RXFP1: variants seen among roughly 807,000 people sequenced by gnomAD.
The protein encoded by RXFP1 is relaxin receptor 1.
A neutral mutation model predicts 89.8 loss-of-function variants in RXFP1; 73 were observed. The observed-to-expected ratio is 0.81, with a 90% CI of 0.67 to 0.99. The LOEUF (loss-of-function observed/expected upper bound fraction) is 0.99, where lower values mean the gene tolerates loss of function less well. Among genes scored for constraint, RXFP1 ranks in the 50% least tolerant of loss-of-function variants. The pLI, the probability that RXFP1 is intolerant of heterozygous loss-of-function variation, is 0.00. For synonymous variants in RXFP1, 277 were observed against 305.5 expected, an observed-to-expected ratio of 0.91 and a Z score of 0.97; for missense variants, 793 against 895.5, an observed-to-expected ratio of 0.89 and a Z score of 1.46.
At chr4:158,625,056 A>G (rs1307535193) in intron 9 of RXFP1, among the ~76,000 whole-genome samples, 1 of 142,268 alleles carries the variant, frequency 7.0e-6, no homozygotes, top group Non-Finnish European at 1.5e-5. Flanking sequence ...CACCTCATTA[A>G]GCGCATTTTG....
chr4:158,598,574 T>A (rs1266103656), intron 3 of RXFP1, among the ~76,000 whole-genome samples: 58 of 152,200 alleles, frequency 3.8e-4, no homozygotes. Flanking sequence ...TTTAGCTATA[T>A]GAATACATCA....
At position 158,620,268 on chromosome 4, in the gene RXFP1, C is replaced by T. The variant is rs141648089; in HGVS notation, c.755+3063C>T. ...GTCATAGAAAGCTTTCAAATTGAAA[C>T]GAAAGAAAAAGAGACAAAAATAAAG... On this transcript the variant is annotated intron_variant, in intron 9 of 17. Coordinates refer to ENST00000307765, the MANE Select transcript of RXFP1 (RefSeq NM_021634.4). Among the ~76,000 whole-genome samples, 10 of 151,690 alleles carry T rather than the reference C, an allele frequency of 6.6e-5. No individual in the cohort carries two copies. In the East Asian group the frequency reaches 1.5e-3, roughly 23 times the overall value.
chr4:158,549,093 A>C (rs1279391217), intron 1 of RXFP1, among the ~76,000 whole-genome samples: 1 of 151,746 alleles, frequency 6.6e-6, no homozygotes, highest in Non-Finnish European at 1.5e-5. Flanking sequence ...TACACCAATC[A>C]GACGTAGATT....
At chr4:158,547,685 T>A (rs558088023) in intron 1 of RXFP1, among the ~76,000 whole-genome samples, 1 of 152,314 alleles carries the variant, frequency 6.6e-6, no homozygotes, top group Admixed American at 6.5e-5. Flanking sequence ...ACATCTTTAT[T>A]TCTGCCTTCA....
At chr4:158,651,519 C>T (rs1772726498) in intron 17 of RXFP1, among the ~76,000 whole-genome samples, 1 of 152,046 alleles carries the variant, frequency 6.6e-6, no homozygotes, top group Non-Finnish European at 1.5e-5. Context: ...TTAGTGTATT[C>T]AAGAAGAGCT....
At chr4:158,525,039 G>T (rs1206091177) in intron 1 of RXFP1, among the ~76,000 whole-genome samples, 4 of 152,114 alleles carry the variant, frequency 2.6e-5, no homozygotes, top group Non-Finnish European at 2.9e-5. Flanking sequence ...ACTTGTAACA[G>T]ATTTTTTCTG....
intron 1 of RXFP1, among the ~76,000 whole-genome samples, chr4:158,530,803 T>C (rs1292459602): frequency 2.0e-5 from 3 of 152,198 alleles, no homozygotes; most frequent in Admixed American, 6.5e-5. Context: ...AAAGAGGGAT[T>C]GTTTTTCTTT....
At chr4:158,600,116 G>A (rs1761402673) in intron 4 of RXFP1, among the ~76,000 whole-genome samples, 1 of 152,178 alleles carries the variant, frequency 6.6e-6, no homozygotes, top group African/African-American at 2.4e-5. Context: ...AATTAGTGGA[G>A]GACAGCTATT....
At chr4:158,526,517 G>A (rs1742537102) in intron 1 of RXFP1, among the ~76,000 whole-genome samples, 2 of 152,122 alleles carry the variant, frequency 1.3e-5, no homozygotes, top group South Asian at 4.1e-4. Context: ...GGCAAGTTGT[G>A]AATATTTCAA....
chr4:158,652,128 G>C lies in RXFP1; in HGVS notation c.*73G>C. On this transcript the variant is annotated 3_prime_UTR_variant, in exon 18 of 18. Coordinates refer to ENST00000307765, the MANE Select transcript of RXFP1 (RefSeq NM_021634.4). ...CATGAGGGATTTACTGGTATGAAAT[G>C]AATACCACAAAATTAATTTATAATA... The C allele has an allele frequency of 8.3e-7, 1 of 1,209,404 alleles. No individual in the cohort carries two copies. The highest frequency in any genetic ancestry group is 1.1e-6 in the Non-Finnish European group (1 of 873,776). 74.9% of individuals were successfully genotyped at this position (1,209,404 alleles called of 1,614,324 possible). A position where few individuals can be genotyped will look rare whatever the true frequency, so the allele number is the denominator to read the frequency against.
intron 3 of RXFP1, among the ~76,000 whole-genome samples, chr4:158,595,325 T>A (rs1204816388): frequency 6.6e-6 from 1 of 152,142 alleles, no homozygotes; most frequent in Non-Finnish European, 1.5e-5. Context: ...GGTGGAGAGG[T>A]GACTAAGAGT....
chr4:158,633,477 G>A lies in RXFP1; in HGVS notation c.971+1G>A, dbSNP rs1176375907. 1.3e-6 allele frequency: 2 copies of A among 1,570,816 alleles called. No individual in the cohort carries two copies. The highest frequency in any genetic ancestry group is 1.7e-6 in the Non-Finnish European group (2 of 1,153,276). The stretch of plus-strand genomic sequence containing the variant: ...AGGACCTGAAGGAGCTGTCACAATT[G>A]TAAGACTGATGTTAATTTTGCCACC... On this transcript the variant is annotated splice_donor_variant, in intron 12 of 17. Coordinates refer to ENST00000307765, the MANE Select transcript of RXFP1 (RefSeq NM_021634.4). LOFTEE classifies it high-confidence loss of function.
At chr4:158,617,461 G>T (rs1764824210) in intron 9 of RXFP1, among the ~76,000 whole-genome samples, 1 of 149,698 alleles carries the variant, frequency 6.7e-6, no homozygotes, top group Non-Finnish European at 1.5e-5. Context: ...GAGCCAGGAA[G>T]AAGAAACACA....
Position 158,637,988 on chromosome 4 carries a change from C to T in RXFP1, c.972-20C>T. On this transcript the variant is annotated intron_variant, in intron 12 of 17. Transcript: ENST00000307765. ...TGTAGTTTTTAGAAATGACCTATTG[C>T]TGCTTTTTTTAAAAAACAGGAATCT... The T allele has an allele frequency of 6.6e-7, 1 of 1,509,524 alleles. No individual in the cohort carries two copies. Among genetic ancestry groups the T allele is most frequent in the Non-Finnish European group, 9.2e-7 (1 of 1,087,988 alleles). The allele number at this position is 1,509,524 out of a possible 1,614,324, so 93.5% of individuals were successfully genotyped here. A position where few individuals can be genotyped will look rare whatever the true frequency, so the allele number is the denominator to read the frequency against.
chr4:158,618,158 G>A (rs1208391143), intron 9 of RXFP1, among the ~76,000 whole-genome samples: 1 of 151,986 alleles, frequency 6.6e-6, no homozygotes, highest in African/African-American at 2.4e-5. Context: ...TAAAGGAAAG[G>A]GCAAATTAAG....
At chr4:158,641,141 T>C (rs1282500924) in intron 14 of RXFP1, among the ~76,000 whole-genome samples, 6 of 152,222 alleles carry the variant, frequency 3.9e-5, no homozygotes, top group African/African-American at 1.4e-4. Flanking sequence ...AAAGATGGCT[T>C]ATAAAAGATT....
chr4:158,608,200 G>A (rs1388154327), intron 6 of RXFP1, among the ~76,000 whole-genome samples, 157 bp downstream of exon 6: 2 of 150,168 alleles, frequency 1.3e-5, no homozygotes, highest in Admixed American at 6.6e-5. Flanking sequence ...GCATAGGATT[G>A]TGAGTTAGAC....
intron 11 of RXFP1, among the ~76,000 whole-genome samples, chr4:158,630,460 T>C (rs879437736): frequency 6.6e-5 from 10 of 152,214 alleles, no homozygotes; most frequent in Admixed American, 6.5e-4. Context: ...ATATACTTTT[T>C]CTTGTTTCAT....
At chr4:158,522,070 G>C (rs1741306702) in intron 1 of RXFP1, 45 bp downstream of exon 1, 1 of 1,157,116 alleles carries the variant, frequency 8.6e-7, no homozygotes, top group Admixed American at 1.9e-5. Flanking sequence ...AGTATTTTGT[G>C]GAATAACCAC....
Sources: gnomAD v4.1 joint callset for allele counts (sites outside exome capture counted in the v4.1 genomes callset) on GRCh38, gnomAD v4.1.1 for gene constraint, MANE v1.5 for transcripts, NCBI Gene and HGNC (gene_info 2026-07-23, HGNC 2026-07-21) for gene names.